The following KLKB1 variants were observed in gnomAD, a reference collection of about 807,000 sequenced individuals.
KLKB1 encodes plasma kallikrein.
KLKB1 carries 58 observed loss-of-function variants against 73.6 expected under a neutral mutation model. The ratio of observed to expected loss-of-function variants is 0.79; its 90% CI spans 0.64 to 0.98. The LOEUF (loss-of-function observed/expected upper bound fraction) is 0.98. KLKB1 is among the 50% of genes least tolerant of loss of function. KLKB1 has a pLI of 0.00. For missense variants in KLKB1, 737 were observed against 763.8 expected (o/e 0.96, Z 0.41); for synonymous variants, 280 against 258.1 (o/e 1.08, Z -0.81).
chr4:186,251,115 A>C, intron 7 of KLKB1, 104 bp from the exon 8 acceptor site: 1 of 726,558 alleles, frequency 1.4e-6, no homozygotes, highest in Non-Finnish European at 2.4e-6. Context: ...CAGAAGAATA[A>C]AATTTGCTGC....
At chr4:186,225,922 C>T (rs1737154045), upstream of KLKB1, among the ~76,000 whole-genome samples, 1 of 151,956 alleles carries the variant, frequency 6.6e-6, no homozygotes, top group Non-Finnish European at 1.5e-5. Flanking sequence ...TAACAGTGTC[C>T]TATAAGTCTT....
At chr4:186,221,303 A>T (rs1365077094) in intron 2 of KLKB1, among the ~76,000 whole-genome samples, 1 of 144,990 alleles carries the variant, frequency 6.9e-6, no homozygotes, top group African/African-American at 2.5e-5. Context: ...CTCTGCTCTG[A>T]TCTTTATTAT....
intron 2 of KLKB1, among the ~76,000 whole-genome samples, chr4:186,215,757 T>G (rs545584528): frequency 1.3e-5 from 2 of 152,232 alleles, no homozygotes; most frequent in South Asian, 2.1e-4. Context: ...TAATTTTTCT[T>G]GTACAGTTGG....
intron 2 of KLKB1, chr4:186,213,597 C>T (rs536657752): frequency 5.9e-5 from 9 of 152,300 alleles, no homozygotes; most frequent in African/African-American, 1.7e-4. Flanking sequence ...CAGCTGAAAG[C>T]ACAAAGTAAA....
In KLKB1 at chr4:186,251,770, A is replaced by G. The variant is rs148654968; in HGVS notation, c.1053A>G (p.Leu351=). Reference sequence around the variant, plus strand: ...CTAGGTGTAAGTGTTTCTTAAGATTATCTATGGATGGTTCTCCAACTAGGA... The same window carrying G: ...CTAGGTGTAAGTGTTTCTTAAGATTGTCTATGGATGGTTCTCCAACTAGGA... ...KEEKCKCFLR[L]SMDGSPTRIA... is the part of the protein sequence containing the mutation. The change falls in exon 10 of 15, where the codon TTA becomes TTG. Residue 351 remains leucine, a synonymous_variant. Transcript: ENST00000264690. 1.2e-6 allele frequency: 2 copies of G among 1,613,766 alleles called. No homozygotes were observed. The highest frequency in any genetic ancestry group is 1.7e-6 in the Non-Finnish European group (2 of 1,179,764).
rs779565094 is a variant in KLKB1 at position 186,232,152 on chromosome 4, C to T, written c.84C>T (p.Asn28=). The change falls in exon 3 of 15, where the codon AAC becomes AAT. Residue 28 remains asparagine (N), a synonymous_variant. Coordinates refer to ENST00000264690, the MANE Select transcript of KLKB1 (RefSeq NM_000892.5). ...SCGCLTQLYE[N]AFFRGGDVAS... Reference sequence around the variant, plus strand: ...GATGTCTGACTCAACTCTATGAAAACGCCTTCTTCAGAGGTGGGGATGTAG... The same window carrying T: ...GATGTCTGACTCAACTCTATGAAAATGCCTTCTTCAGAGGTGGGGATGTAG... 1.9e-5 allele frequency: 30 copies of T among 1,612,656 alleles called. No homozygotes were observed. The highest frequency in any genetic ancestry group is 1.8e-4 in the Admixed American group (11 of 59,912).
chr4:186,245,377 C>T (rs905332344), intron 6 of KLKB1, among the ~76,000 whole-genome samples: 22 of 152,242 alleles, frequency 1.4e-4, no homozygotes, highest in African/African-American at 4.6e-4. Context: ...AGTCTTCAGC[C>T]GCTAAGCCAA....
At chr4:186,253,706 C>G (rs1738831202) in intron 11 of KLKB1, among the ~76,000 whole-genome samples, 1 of 152,100 alleles carries the variant, frequency 6.6e-6, no homozygotes, top group South Asian at 2.1e-4. Flanking sequence ...ATTTCCAGAT[C>G]TTTGCACAGA....
At position 186,240,946 on chromosome 4, in the gene KLKB1, C is replaced by T. The variant is rs180796041; in HGVS notation, c.598+2581C>T. Among the ~76,000 whole-genome samples the T allele has an allele frequency of 8.5e-4, 130 of 152,320 alleles. 1 individual carries two copies. The highest frequency in any genetic ancestry group is 1.6e-4 in the Non-Finnish European group (11 of 68,026). On this transcript the variant is annotated intron_variant, in intron 6 of 14. Coordinates refer to ENST00000264690, the MANE Select transcript of KLKB1 (RefSeq NM_000892.5). ...CTCGTGCTGTGGCTCTGGGCTGTCA[C>T]AGCTGCTGTCCACACCTGGGAGAGC...
rs1451567261 is a variant in KLKB1, at chr4:186,232,056, G to A, written c.59-71G>A. The A allele has an allele frequency of 5.4e-6, 7 of 1,294,808 alleles. No individual in the cohort carries two copies. In the African/African-American group the frequency reaches 7.6e-5, roughly 14 times the overall value. The allele number at this position is 1,294,808 out of a possible 1,614,324, so 80.2% of individuals were successfully genotyped here. On this transcript the variant is annotated intron_variant, in intron 2 of 14. Transcript: ENST00000264690. ...GTAGTCAGTCAGTGGGAGAAGTTAA[G>A]ACAACAGATATCTTTTTATTAAAAT...
At chr4:186,246,793 C>G (rs62348797) in intron 6 of KLKB1, among the ~76,000 whole-genome samples, 1 of 152,090 alleles carries the variant, frequency 6.6e-6, no homozygotes, top group Non-Finnish European at 1.5e-5. Context: ...GGCAGGCATT[C>G]GCGCGGTGAT....
chr4:186,247,342 G>A (rs1738407435), intron 6 of KLKB1, among the ~76,000 whole-genome samples: 1 of 151,864 alleles, frequency 6.6e-6, no homozygotes, highest in Admixed American at 6.6e-5. Context: ...TAGGGGTGGG[G>A]ACGTTTTATA....
chr4:186,217,294 G>T (rs753402380), intron 2 of KLKB1, among the ~76,000 whole-genome samples: 1 of 152,060 alleles, frequency 6.6e-6, no homozygotes, highest in Middle Eastern at 3.2e-3. Context: ...TTGTTTTGTT[G>T]TTGTTGTTGT....
intron 11 of KLKB1, among the ~76,000 whole-genome samples, chr4:186,253,539 T>C (rs1561466327): frequency 6.6e-6 from 1 of 152,170 alleles, no homozygotes; most frequent in Non-Finnish European, 1.5e-5. Flanking sequence ...AAATTTTCAT[T>C]CTTGAAGGCT....
upstream of KLKB1, among the ~76,000 whole-genome samples, chr4:186,225,287 A>T (rs1258190073): frequency 6.6e-6 from 1 of 152,136 alleles, no homozygotes; most frequent in African/African-American, 2.4e-5. Context: ...CTTTGAATAT[A>T]TCATCCCACT....
chr4:186,254,601 G>A lies in KLKB1; in HGVS notation c.1327G>A (p.Asp443Asn), dbSNP rs78905162. Residue 443 changes from aspartate (D) to asparagine (N), a missense_variant, in exon 12 of 15, where the codon GAT becomes AAT. By Grantham distance (23) the Asp-to-Asn change is conservative. Transcript: ENST00000264690. ...TTTCTCTCCTAGGCTTCCCCTGCAG[G>A]ATGTTTGGCGCATCTATAGTGGCAT... ...AHCFDGLPLQ[D>N]VWRIYSGILN... is the part of the protein sequence containing the mutation. 1.2e-6 allele frequency: 2 copies of A among 1,613,982 alleles called. No homozygotes were observed. The highest frequency in any genetic ancestry group is 1.7e-6 in the Non-Finnish European group (2 of 1,179,870).
intron 2 of KLKB1, among the ~76,000 whole-genome samples, chr4:186,219,742 G>GT (rs1467866418): frequency 1.3e-5 from 2 of 152,230 alleles, no homozygotes; most frequent in Non-Finnish European, 2.9e-5. Flanking sequence ...CTGGTGGAGT[G>GT]ACCCAAACAT....
chr4:186,218,356 A>T (rs1736955641), intron 2 of KLKB1, among the ~76,000 whole-genome samples: 1 of 152,202 alleles, frequency 6.6e-6, no homozygotes, highest in African/African-American at 2.4e-5. Flanking sequence ...CTCTAATAAA[A>T]AAAAGTTCTG....
intron 6 of KLKB1, 56 bp downstream of exon 6, chr4:186,238,421 G>A: frequency 8.3e-7 from 1 of 1,211,140 alleles, no homozygotes; most frequent in Non-Finnish European, 1.2e-6. Flanking sequence ...GGAGCCCCCA[G>A]AGACGTCCCT....
Sources: gnomAD v4.1 joint callset for allele counts (sites outside exome capture counted in the v4.1 genomes callset) on GRCh38, gnomAD v4.1.1 for gene constraint, MANE v1.5 for transcripts, NCBI Gene and HGNC (gene_info 2026-07-23, HGNC 2026-07-21) for gene names.